PRR16: variants seen among roughly 807,000 people sequenced by gnomAD.
The protein encoded by PRR16 is proline rich 16, also known as protein Largen.
In PRR16, 6 loss-of-function variants were observed where a neutral mutation model predicts 18.2. That is an observed-to-expected ratio of 0.33 (90% confidence interval 0.18 to 0.65). PRR16 has a LOEUF of 0.65. Among genes scored for constraint, PRR16 ranks in the 30% least tolerant of loss-of-function variants. The pLI is 0.74. For synonymous variants in PRR16, 151 were observed against 147.8 expected, an observed-to-expected ratio of 1.02 and a Z score of -0.16; for missense variants, 412 against 376.6, an observed-to-expected ratio of 1.09 and a Z score of -0.78.
In PRR16 at chr5:120,469,186, G is replaced by T. The variant is rs540902421; in HGVS notation, c.159+4541G>T. On this transcript the variant is annotated intron_variant, in intron 1 of 1. Coordinates refer to ENST00000407149, the MANE Select transcript of PRR16 (RefSeq NM_001300783.2). ...CTGAAAAATATTTTCACTTCTAAATGTTCCCTCTTTTAATGTCTTAACCAC... is the reference window on the plus strand; with the variant it reads ...CTGAAAAATATTTTCACTTCTAAATTTTCCCTCTTTTAATGTCTTAACCAC... Among the ~76,000 whole-genome samples the T allele has an allele frequency of 2.3e-3, 349 of 152,230 alleles. 3 individuals carry two copies. The highest frequency in any genetic ancestry group is 7.9e-3 in the South Asian group (38 of 4,822).
At chr5:120,524,436 A>T (rs1011301619) in intron 1 of PRR16, among the ~76,000 whole-genome samples, 3 of 152,144 alleles carry the variant, frequency 2.0e-5, no homozygotes, top group African/African-American at 4.8e-5. Context: ...GGAAATGCAG[A>T]TACACATTTT....
At chr5:120,518,352 C>T (rs1170453892) in intron 1 of PRR16, among the ~76,000 whole-genome samples, 3 of 151,978 alleles carry the variant, frequency 2.0e-5, no homozygotes, top group African/African-American at 7.3e-5. Context: ...TATACTGACT[C>T]TGTAGGAGAC....
intron 1 of PRR16, among the ~76,000 whole-genome samples, chr5:120,656,705 T>C (rs1020824368): frequency 1.3e-5 from 2 of 151,938 alleles, no homozygotes; most frequent in African/African-American, 2.4e-5. Flanking sequence ...TAAACAAATA[T>C]AAGCAATTTA....
At chr5:120,777,680 A>G in the PRR16 span, among the ~76,000 whole-genome samples, 10 of 152,144 alleles carry the variant, frequency 6.6e-5, no homozygotes, top group Non-Finnish European at 1.2e-4. Context: ...AGGACTAAAA[A>G]GAGGCCTTCT....
At chr5:120,776,095 C>A in the PRR16 span, among the ~76,000 whole-genome samples, 2 of 152,104 alleles carry the variant, frequency 1.3e-5, no homozygotes, top group South Asian at 4.1e-4. Context: ...CCTTGTCTCT[C>A]ACTGTTGCTG....
the PRR16 span, among the ~76,000 whole-genome samples, chr5:120,700,446 G>A: frequency 6.6e-6 from 1 of 152,132 alleles, no homozygotes; most frequent in East Asian, 1.9e-4. Flanking sequence ...AAGGTGGGGG[G>A]ATACAAGAGG....
chr5:120,722,917 ATC>A, the PRR16 span, among the ~76,000 whole-genome samples: 113 of 151,532 alleles, frequency 7.5e-4, no homozygotes, highest in African/African-American at 2.7e-3. Context: ...GAAAGTATCT[ATC>A]TCTATATTTA....
chr5:120,562,324 C>T (rs1303155112), intron 1 of PRR16, among the ~76,000 whole-genome samples: 4 of 151,902 alleles, frequency 2.6e-5, no homozygotes, highest in African/African-American at 7.3e-5. Flanking sequence ...TTTCCATTGT[C>T]ATGGAACATT....
chr5:120,745,514 T>C, the PRR16 span, among the ~76,000 whole-genome samples: 1 of 152,046 alleles, frequency 6.6e-6, no homozygotes, highest in African/African-American at 2.4e-5. Context: ...CTGTTAGGAA[T>C]TGCGTGAAGC....
At chr5:120,562,961 A>G (rs1235781128) in intron 1 of PRR16, among the ~76,000 whole-genome samples, 2 of 152,174 alleles carry the variant, frequency 1.3e-5, no homozygotes, top group Admixed American at 6.5e-5. Context: ...AATGCTTACT[A>G]TTACCAATGA....
At chr5:120,761,904 TATC>T in the PRR16 span, among the ~76,000 whole-genome samples, 8 of 152,136 alleles carry the variant, frequency 5.3e-5, no homozygotes, top group African/African-American at 1.9e-4. Context: ...CTTTGATAAT[TATC>T]ATTCTATTCT....
chr5:120,681,079 T>C (rs1049135238), intron 1 of PRR16, among the ~76,000 whole-genome samples: 1 of 152,160 alleles, frequency 6.6e-6, no homozygotes, highest in East Asian at 1.9e-4. Context: ...TTTCTGTGTC[T>C]CTTTTTGGCA....
intron 1 of PRR16, among the ~76,000 whole-genome samples, chr5:120,667,291 A>G (rs376891972): frequency 3.8e-3 from 566 of 150,694 alleles, no homozygotes; most frequent in African/African-American, 0.013. Context: ...CTGTGGGATC[A>G]GTGGTGATAT....
At chr5:120,768,293 TAAAG>T in the PRR16 span, among the ~76,000 whole-genome samples, 1 of 151,876 alleles carries the variant, frequency 6.6e-6, no homozygotes, top group South Asian at 2.1e-4. Context: ...GAATATTTTT[TAAAG>T]AAACAGTGCT....
chr5:120,635,713 C>A (rs1365738754), intron 1 of PRR16, among the ~76,000 whole-genome samples: 2 of 152,086 alleles, frequency 1.3e-5, no homozygotes, highest in Non-Finnish European at 2.9e-5. Flanking sequence ...TGGAACAAGA[C>A]AAGGATGCTC....
At chr5:120,771,217 G>T in the PRR16 span, among the ~76,000 whole-genome samples, 2 of 151,960 alleles carry the variant, frequency 1.3e-5, no homozygotes, top group South Asian at 2.1e-4. Flanking sequence ...ACATTTTAAA[G>T]ATTATAGGCA....
the PRR16 span, among the ~76,000 whole-genome samples, chr5:120,766,374 T>C: frequency 6.6e-6 from 1 of 152,000 alleles, no homozygotes; most frequent in Non-Finnish European, 1.5e-5. Flanking sequence ...AGAAAACACA[T>C]CTATTGGCCA....
intron 1 of PRR16, among the ~76,000 whole-genome samples, chr5:120,530,285 T>TATATATATATATATC (rs375750842): frequency 1.2e-5 from 1 of 84,450 alleles, no homozygotes; most frequent in Non-Finnish European, 2.4e-5. Context: ...ATATATATAT[T>TATATATATATATATC]TATTTATTTA....
At chr5:120,600,433 C>T (rs1375462) in intron 1 of PRR16, among the ~76,000 whole-genome samples, 21,916 of 151,764 alleles carry the variant, frequency 0.14, 1,853 homozygotes, top group African/African-American at 0.25. Flanking sequence ...GGGATTATTT[C>T]AATAGTTCAG....
Sources: allele counts gnomAD v4.1 joint callset (sites outside exome capture counted in the v4.1 genomes callset), GRCh38; gene constraint gnomAD v4.1.1; transcripts MANE v1.5; gene names NCBI Gene and HGNC (gene_info 2026-07-23, HGNC 2026-07-21).